The following CPNE8 variants were observed in gnomAD, a reference collection of about 807,000 sequenced individuals.
The protein encoded by CPNE8 is copine-8.
Under a neutral mutation model 81.5 loss-of-function variants are expected in CPNE8, and 45 were observed. That is an observed-to-expected ratio of 0.55 (90% CI 0.44 to 0.71). The LOEUF (loss-of-function observed/expected upper bound fraction) is 0.71. Among genes scored for constraint, CPNE8 ranks in the 30% least tolerant of loss-of-function variants. CPNE8 has a pLI of 0.00. For missense variants in CPNE8, 594 were observed against 672.1 expected (o/e 0.88, Z 1.28); for synonymous variants, 252 against 226.3 (o/e 1.11, Z -1.02).
Position 38,668,815 on chromosome 12 carries a change from C to T in CPNE8, c.1506+1914G>A, listed in dbSNP as rs147758767. On this transcript the variant is annotated intron_variant, in intron 19 of 19. Coordinates refer to ENST00000331366, the MANE Select transcript of CPNE8 (RefSeq NM_153634.3). ...CTATAATCCCAGCACATTGGGAGGC[C>T]GAGGCGGGCGGATCACAAGGTCAGG... Among the ~76,000 whole-genome samples the T allele has an allele frequency of 7.4e-3, 1,121 of 151,968 alleles. 11 individuals are homozygous for T. Among genetic ancestry groups the T allele is most frequent in the African/African-American group, 0.021 (859 of 41,426 alleles).
Position 38,799,938 on chromosome 12 carries a change from G to A in CPNE8, c.408-23637C>T, listed in dbSNP as rs552899144. 1.0e-3 allele frequency among the ~76,000 whole-genome samples: 154 copies of A among 151,380 alleles called. 1 individual carries two copies. The highest frequency in any genetic ancestry group is 3.4e-3 in the African/African-American group (142 of 41,326). ...CGGGTCACTCCCACCCGAATATTGC[G>A]CTTTTCAGACCGGCTTAAGAAACGG... On this transcript the variant is annotated intron_variant, in intron 6 of 19. Coordinates refer to ENST00000331366, the MANE Select transcript of CPNE8 (RefSeq NM_153634.3).
chr12:38,880,212 G>C (rs1040806444), intron 1 of CPNE8, among the ~76,000 whole-genome samples: 4 of 152,104 alleles, frequency 2.6e-5, no homozygotes, highest in Admixed American at 1.3e-4. Flanking sequence ...GAATGATTCT[G>C]GTTTTAATTA....
intron 13 of CPNE8, among the ~76,000 whole-genome samples, chr12:38,721,808 G>T (rs1044383432): frequency 6.6e-6 from 1 of 152,198 alleles, no homozygotes; most frequent in Non-Finnish European, 1.5e-5. Context: ...GAATTCCCCG[G>T]TGCCAGCCAG....
chr12:38,805,863 C>T (rs1244646020), intron 6 of CPNE8, among the ~76,000 whole-genome samples: 1 of 149,206 alleles, frequency 6.7e-6, no homozygotes, highest in African/African-American at 2.4e-5. Context: ...ACTAGCAAGA[C>T]TAATAAAGAA....
chr12:38,670,848 T>A, intron 18 of CPNE8, 46 bp from the exon 19 acceptor site: 1 of 1,365,216 alleles, frequency 7.3e-7, no homozygotes, highest in Non-Finnish European at 1.0e-6. Flanking sequence ...TTTAGCCAAA[T>A]ACTAAAACAA....
chr12:38,794,524 A>G (rs962607753), intron 6 of CPNE8, among the ~76,000 whole-genome samples: 11 of 152,144 alleles, frequency 7.2e-5, no homozygotes, highest in Admixed American at 6.6e-4. Context: ...CAAAAGTGAT[A>G]TACAAATGGC....
intron 3 of CPNE8, 152 bp from the exon 4 acceptor site, chr12:38,848,814 T>G: frequency 5.5e-6 from 6 of 1,081,866 alleles, no homozygotes; most frequent in Non-Finnish European, 7.4e-6. Context: ...CTCTTATTTA[T>G]TCAGGGAAAT....
intron 16 of CPNE8, among the ~76,000 whole-genome samples, chr12:38,682,970 G>T (rs952209181): frequency 3.3e-5 from 5 of 152,088 alleles, no homozygotes; most frequent in African/African-American, 9.7e-5. Context: ...TCCCCAGAGA[G>T]CACTGGAAAA....
At chr12:38,847,574 A>C (rs1943579211) in intron 4 of CPNE8, among the ~76,000 whole-genome samples, 1 of 152,194 alleles carries the variant, frequency 6.6e-6, no homozygotes. Context: ...GGATGTAATA[A>C]ATTTTGTTTG....
At chr12:38,864,040 C>A (rs1943880857) in intron 3 of CPNE8, among the ~76,000 whole-genome samples, 1 of 141,672 alleles carries the variant, frequency 7.1e-6, no homozygotes, top group African/African-American at 2.6e-5. Context: ...GACGACAGAG[C>A]GAGACTTCAT....
chr12:38,773,061 A>G (rs1941840960), intron 7 of CPNE8, among the ~76,000 whole-genome samples: 1 of 152,134 alleles, frequency 6.6e-6, no homozygotes, highest in Non-Finnish European at 1.5e-5. Context: ...GACAGCCATA[A>G]AAAGATAAAT....
chr12:38,819,050 T>C (rs1011950961), intron 6 of CPNE8, among the ~76,000 whole-genome samples: 1 of 152,210 alleles, frequency 6.6e-6, no homozygotes, highest in African/African-American at 2.4e-5. Flanking sequence ...GTCAGATTGA[T>C]ACATTTCAAA....
intron 10 of CPNE8, among the ~76,000 whole-genome samples, chr12:38,731,434 G>A (rs896839592): frequency 2.0e-5 from 3 of 151,816 alleles, no homozygotes; most frequent in African/African-American, 7.2e-5. Flanking sequence ...GACAGGATGT[G>A]GAGGGGTAAA....
intron 6 of CPNE8, among the ~76,000 whole-genome samples, chr12:38,788,538 G>A (rs1033555553): frequency 1.3e-5 from 2 of 151,810 alleles, no homozygotes; most frequent in South Asian, 4.1e-4. Context: ...TTTCCTCTAA[G>A]ATCTGGAACA....
chr12:38,889,666 T>C (rs1410807803), intron 1 of CPNE8, among the ~76,000 whole-genome samples: 2 of 152,152 alleles, frequency 1.3e-5, no homozygotes, highest in Non-Finnish European at 2.9e-5. Flanking sequence ...CAGCTCAAAG[T>C]ACAGGATTCC....
chr12:38,667,642 T>C lies in CPNE8; in HGVS notation c.1506+3087A>G, dbSNP rs1489647600. Among the ~76,000 whole-genome samples the C allele has an allele frequency of 3.9e-5, 6 of 152,338 alleles. No homozygotes were observed. In the East Asian group the frequency reaches 9.6e-4, roughly 24 times the overall value. ...AATTTCCTAGGGACATTTTAATTTCTTGTTCAGTAAATGTTAAGACCTCAC... is the reference window on the plus strand; with the variant it reads ...AATTTCCTAGGGACATTTTAATTTCCTGTTCAGTAAATGTTAAGACCTCAC... On this transcript the variant is annotated intron_variant, in intron 19 of 19. Coordinates refer to ENST00000331366, the MANE Select transcript of CPNE8 (RefSeq NM_153634.3).
chr12:38,711,823 G>A (rs1940266341), intron 13 of CPNE8, among the ~76,000 whole-genome samples: 1 of 152,004 alleles, frequency 6.6e-6, no homozygotes, highest in Non-Finnish European at 1.5e-5. Flanking sequence ...CCAAATAAAT[G>A]TTTATAACAG....
At chr12:38,873,826 C>T (rs1944025133) in intron 2 of CPNE8, among the ~76,000 whole-genome samples, 1 of 152,220 alleles carries the variant, frequency 6.6e-6, no homozygotes, top group African/African-American at 2.4e-5. Flanking sequence ...TCAAACTACC[C>T]TTCTCACTTT....
intron 10 of CPNE8, among the ~76,000 whole-genome samples, chr12:38,743,150 A>C (rs1941148366): frequency 6.6e-6 from 1 of 152,096 alleles, no homozygotes; most frequent in African/African-American, 2.4e-5. Flanking sequence ...GAATTATATC[A>C]AAAAAGCAAA....
Sources: allele counts gnomAD v4.1 joint callset (sites outside exome capture counted in the v4.1 genomes callset), GRCh38; gene constraint gnomAD v4.1.1; transcripts MANE v1.5; gene names NCBI Gene and HGNC (gene_info 2026-07-23, HGNC 2026-07-21).